Variants in GALNT13 observed in about 807,000 individuals in gnomAD.
GALNT13 encodes polypeptide N-acetylgalactosaminyltransferase 13.
GALNT13 carries 28 observed loss-of-function variants against 64.2 expected under a neutral mutation model. That is an observed-to-expected ratio of 0.44 (90% CI 0.32 to 0.60). GALNT13 has a LOEUF of 0.60. Ranked by LOEUF, GALNT13 falls within the 20% of genes least tolerant of loss-of-function variation. GALNT13 has a pLI of 0.05. For missense variants in GALNT13, 577 were observed against 669.8 expected (o/e 0.86, Z 1.53); for synonymous variants, 214 against 224.6 (o/e 0.95, Z 0.42).
chr2:153,430,867 C>T, the GALNT13 span, among the ~76,000 whole-genome samples: 7 of 151,976 alleles, frequency 4.6e-5, no homozygotes, highest in South Asian at 1.0e-3. Flanking sequence ...TAAAAGTTGA[C>T]GTAGCCAGGC....
At chr2:154,187,369 A>AACAC (rs10578569) in intron 4 of GALNT13, among the ~76,000 whole-genome samples, 3,426 of 140,294 alleles carry the variant, frequency 0.024, 52 homozygotes, top group South Asian at 0.083. Flanking sequence ...GATAGGAGAA[A>AACAC]ACACACACAC....
At chr2:153,077,000 G>C in the GALNT13 span, among the ~76,000 whole-genome samples, 1 of 151,786 alleles carries the variant, frequency 6.6e-6, no homozygotes. Context: ...TGCCCAGGCT[G>C]TAGTGCAGTG....
chr2:153,474,208 G>A, the GALNT13 span, among the ~76,000 whole-genome samples: 1 of 152,174 alleles, frequency 6.6e-6, no homozygotes, highest in African/African-American at 2.4e-5. Context: ...AACATCTTAA[G>A]AGAGAACACG....
the GALNT13 span, among the ~76,000 whole-genome samples, chr2:153,127,463 T>G: frequency 5.9e-5 from 9 of 152,178 alleles, no homozygotes; most frequent in Non-Finnish European, 1.2e-4. Context: ...ATCAACATTC[T>G]TCCCCTCCGC....
At chr2:153,394,271 C>T in the GALNT13 span, among the ~76,000 whole-genome samples, 1 of 152,024 alleles carries the variant, frequency 6.6e-6, no homozygotes, top group Non-Finnish European at 1.5e-5. Flanking sequence ...AAGATTGTTG[C>T]TACAATATAA....
the GALNT13 span, among the ~76,000 whole-genome samples, chr2:153,811,329 G>A: frequency 5.9e-5 from 9 of 152,134 alleles, no homozygotes; most frequent in African/African-American, 2.2e-4. Flanking sequence ...TCCCTTAGGA[G>A]ACTGACTTTT....
At chr2:154,305,797 C>T (rs1328316666) in intron 9 of GALNT13, among the ~76,000 whole-genome samples, 1 of 152,202 alleles carries the variant, frequency 6.6e-6, no homozygotes, top group East Asian at 1.9e-4. Flanking sequence ...AGTTTGATAA[C>T]ATGGGCAAAC....
chr2:153,559,508 A>T, the GALNT13 span, among the ~76,000 whole-genome samples: 4,437 of 152,138 alleles, frequency 0.029, 191 homozygotes, highest in African/African-American at 0.1. Context: ...TACAGAGAGG[A>T]CTGGACTGAT....
At chr2:153,798,011 G>C in the GALNT13 span, among the ~76,000 whole-genome samples, 93 of 152,300 alleles carry the variant, frequency 6.1e-4, no homozygotes, top group Non-Finnish European at 1.1e-3. Flanking sequence ...TAGAAATTAA[G>C]AATCTCAAGT....
the GALNT13 span, among the ~76,000 whole-genome samples, chr2:153,114,597 A>G: frequency 6.6e-6 from 1 of 152,158 alleles, no homozygotes; most frequent in Non-Finnish European, 1.5e-5. Flanking sequence ...AAGTTTTGAT[A>G]TTAAGATTGC....
chr2:154,260,314 A>T (rs1406560729), intron 8 of GALNT13, among the ~76,000 whole-genome samples: 1 of 152,176 alleles, frequency 6.6e-6, no homozygotes, highest in Non-Finnish European at 1.5e-5. Flanking sequence ...TCAAAAGTAA[A>T]GTTTGTTTTT....
intron 4 of GALNT13, among the ~76,000 whole-genome samples, chr2:154,174,291 A>G (rs893557056): frequency 2.0e-5 from 3 of 152,118 alleles, no homozygotes; most frequent in African/African-American, 7.2e-5. Context: ...GGGAAAGTGA[A>G]TAGGGCAGAT....
At chr2:153,401,432 T>C in the GALNT13 span, among the ~76,000 whole-genome samples, 208 of 151,374 alleles carry the variant, frequency 1.4e-3, 1 homozygote, top group African/African-American at 4.7e-3. Context: ...TCTGTAGATG[T>C]CTATTAGGTC....
the GALNT13 span, among the ~76,000 whole-genome samples, chr2:153,594,976 C>T: frequency 6.6e-6 from 1 of 151,902 alleles, no homozygotes; most frequent in Non-Finnish European, 1.5e-5. Flanking sequence ...AATGATGAAG[C>T]TATGTGAAAG....
intron 6 of GALNT13, 30 bp downstream of exon 6, chr2:154,242,935 G>A (rs1226569912): frequency 6.4e-7 from 1 of 1,567,346 alleles, no homozygotes; most frequent in Non-Finnish European, 8.8e-7. Context: ...GTCTGCCTGG[G>A]TTATGACTGA....
At chr2:153,268,316 A>G in the GALNT13 span, among the ~76,000 whole-genome samples, 2 of 152,264 alleles carry the variant, frequency 1.3e-5, no homozygotes, top group Non-Finnish European at 1.5e-5. Context: ...TCAGATATCC[A>G]TTAAGGCAGT....
intron 2 of GALNT13, among the ~76,000 whole-genome samples, chr2:153,919,011 ATAC>A (rs1689579981): frequency 1.3e-5 from 2 of 152,130 alleles, no homozygotes; most frequent in African/African-American, 4.8e-5. Context: ...CATATAGAAT[ATAC>A]TTCTTTGCTC....
chr2:154,066,445 C>T (rs1209112767), intron 3 of GALNT13, among the ~76,000 whole-genome samples: 2 of 151,594 alleles, frequency 1.3e-5, no homozygotes, highest in East Asian at 3.9e-4. Flanking sequence ...ATCAAACTCT[C>T]AAAGGTGAAA....
chr2:153,629,898 T>A, the GALNT13 span, among the ~76,000 whole-genome samples: 1 of 147,790 alleles, frequency 6.8e-6, no homozygotes, highest in Admixed American at 6.7e-5. Context: ...CATGAAAAAA[T>A]GCTCATCATC....
Sources: allele counts gnomAD v4.1 joint callset (sites outside exome capture counted in the v4.1 genomes callset), GRCh38; gene constraint gnomAD v4.1.1; transcripts MANE v1.5; gene names NCBI Gene and HGNC (gene_info 2026-07-23, HGNC 2026-07-21).